The following PHC2 variants were observed in gnomAD, a reference collection of about 807,000 sequenced individuals.
The protein encoded by PHC2 is polyhomeotic-like protein 2.
In PHC2, 29 loss-of-function variants were observed where a neutral mutation model predicts 87.4. That is an observed-to-expected ratio of 0.33 (90% CI 0.25 to 0.45). The LOEUF is 0.45. Ranked by LOEUF, PHC2 falls within the 20% of genes least tolerant of loss-of-function variation. PHC2 has a pLI of 1.00. For synonymous variants in PHC2, 438 were observed against 461.7 expected (o/e 0.95, Z 0.66); for missense variants, 857 against 1,136.7 (o/e 0.75, Z 3.54).
intron 7 of PHC2, among the ~76,000 whole-genome samples, chr1:33,359,302 G>A (rs1453017804): frequency 1.3e-5 from 2 of 152,176 alleles, no homozygotes; most frequent in Admixed American, 1.3e-4. Flanking sequence ...CACTGTCCCA[G>A]AAATGCTGGG....
chr1:33,327,633 C>T (rs927259762), intron 14 of PHC2, among the ~76,000 whole-genome samples: 9 of 152,228 alleles, frequency 5.9e-5, no homozygotes, highest in African/African-American at 2.2e-4. Context: ...GAGGCTAGAT[C>T]ATAAAGGGCA....
chr1:33,349,833 G>A lies in PHC2; in HGVS notation c.1558+4568C>T, dbSNP rs1221135055. ...GCGAGGCCGGGGCGGGAGCGCGGGCGGCGGCCGGGGTTGCGCGCGCGCGCG... is the reference window on the plus strand; with the variant it reads ...GCGAGGCCGGGGCGGGAGCGCGGGCAGCGGCCGGGGTTGCGCGCGCGCGCG... On this transcript the variant is annotated intron_variant, in intron 9 of 14. Transcript: ENST00000683057. This position sits in a 1 kb window ranked among gnomAD's most constrained non-coding sequence, Gnocchi z 4.2. The A allele has an allele frequency of 8.2e-6, 8 of 976,590 alleles. No homozygotes were observed. Among genetic ancestry groups the A allele is most frequent in the Non-Finnish European group, 9.7e-6 (8 of 824,920 alleles). The allele number at this position is 976,590 out of a possible 1,614,324, so 60.5% of individuals were successfully genotyped here. A position where few individuals can be genotyped will look rare whatever the true frequency, so the allele number is the denominator to read the frequency against.
intron 7 of PHC2, among the ~76,000 whole-genome samples, chr1:33,357,967 C>T (rs573828923): frequency 3.9e-5 from 6 of 152,202 alleles, no homozygotes; most frequent in South Asian, 4.1e-4. Context: ...GGATCAATGG[C>T]ATGCCCCACT....
At chr1:33,424,243 G>C (rs1055015891) in intron 1 of PHC2, among the ~76,000 whole-genome samples, 1 of 151,982 alleles carries the variant, frequency 6.6e-6, no homozygotes, top group Non-Finnish European at 1.5e-5. Flanking sequence ...TAAAACGAAC[G>C]GGTGCCTTAT....
At position 33,332,194 on chromosome 1, in the gene PHC2, G is replaced by C; in HGVS notation, c.1891+81C>G. The C allele has an allele frequency of 6.5e-7, 1 of 1,529,350 alleles. No individual in the cohort carries two copies. Among genetic ancestry groups the C allele is most frequent in the Non-Finnish European group, 9.0e-7 (1 of 1,106,938 alleles). 94.7% of individuals were successfully genotyped at this position (1,529,350 alleles called of 1,614,324 possible). ...CTCGCTGGCTCAGGGTTCCTCTGGGGAAACAGAGAGAGGAAGTGTGTGAGG... is the reference window on the plus strand; with the variant it reads ...CTCGCTGGCTCAGGGTTCCTCTGGGCAAACAGAGAGAGGAAGTGTGTGAGG... On this transcript the variant is annotated intron_variant, in intron 11 of 14. Transcript: ENST00000683057. This position sits in a 1 kb window ranked among gnomAD's most constrained non-coding sequence, Gnocchi z 4.2.
At chr1:33,412,557 C>T (rs2148393486) in intron 1 of PHC2, among the ~76,000 whole-genome samples, 1 of 152,266 alleles carries the variant, frequency 6.6e-6, no homozygotes, top group Non-Finnish European at 1.5e-5. Context: ...TCACTGATTG[C>T]CCTAATAAAA....
At chr1:33,356,869 A>G (rs1050048667) in intron 7 of PHC2, among the ~76,000 whole-genome samples, 3 of 151,850 alleles carry the variant, frequency 2.0e-5, no homozygotes, top group Admixed American at 6.6e-5. Context: ...CAGGGCGGCC[A>G]GGCAGAGGCG....
At chr1:33,372,864 G>A (rs1168031124) in intron 2 of PHC2, among the ~76,000 whole-genome samples, 1 of 152,226 alleles carries the variant, frequency 6.6e-6, no homozygotes, top group Admixed American at 6.5e-5. Context: ...AGCTCAATAA[G>A]GCAGGGAAAA....
At chr1:33,390,952 A>G (rs1262146261) in intron 1 of PHC2, among the ~76,000 whole-genome samples, 5 of 152,174 alleles carry the variant, frequency 3.3e-5, no homozygotes. Flanking sequence ...GTGGATCTTT[A>G]AAGACAGGTT....
rs1190427446 is a variant in PHC2, at chr1:33,349,432, C to A, written c.1558+4969G>T. ...AGGCGAGCGAGGCTGGGGAGCAGGG[C>A]ACCTCCCAGGCGCCGCGCGGACGAG... On this transcript the variant is annotated intron_variant, in intron 9 of 14. Coordinates refer to ENST00000683057, the MANE Select transcript of PHC2 (RefSeq NM_001385109.1). The surrounding 1 kb of genome is among the most constrained non-coding windows in gnomAD (Gnocchi z 4.2). 2 of 985,166 alleles carry A rather than the reference C, an allele frequency of 2.0e-6. No individual in the cohort carries two copies. Among genetic ancestry groups the A allele is most frequent in the African/African-American group, 1.7e-5 (1 of 57,210 alleles). The allele number at this position is 985,166 out of a possible 1,614,324, so 61.0% of individuals were successfully genotyped here. A position where few individuals can be genotyped will look rare whatever the true frequency, so the allele number is the denominator to read the frequency against.
chr1:33,429,981 G>C (rs1650834298), intron 1 of PHC2, among the ~76,000 whole-genome samples: 1 of 152,230 alleles, frequency 6.6e-6, no homozygotes, highest in East Asian at 1.9e-4. Context: ...CCCAGGGCAA[G>C]CTTAGTATCA....
At chr1:33,371,162 TC>T in intron 3 of PHC2, 68 bp from the exon 4 acceptor site, 1 of 1,300,026 alleles carries the variant, frequency 7.7e-7, no homozygotes, top group Non-Finnish European at 1.1e-6. Flanking sequence ...GCTCTCATCA[TC>T]CACAGGAGGT....
intron 1 of PHC2, chr1:33,392,861 A>G (rs904783662): frequency 6.6e-6 from 1 of 152,220 alleles, no homozygotes; most frequent in African/African-American, 2.4e-5. Flanking sequence ...AGCAACAGCC[A>G]ATCAGGGGCT....
rs1213454412 is a variant in PHC2 at position 33,364,003 on chromosome 1, C to T, written c.976+3113G>A. 7 of 555,612 alleles carry T rather than the reference C, an allele frequency of 1.3e-5. No individual in the cohort carries two copies. The South Asian group carries it at 3.1e-4, about 25-fold the overall frequency. 34.4% of individuals were successfully genotyped at this position (555,612 alleles called of 1,614,324 possible). A position where few individuals can be genotyped will look rare whatever the true frequency, so the allele number is the denominator to read the frequency against. On this transcript the variant is annotated intron_variant, in intron 7 of 14. Coordinates refer to ENST00000683057, the MANE Select transcript of PHC2 (RefSeq NM_001385109.1). The surrounding 1 kb of genome is among the most constrained non-coding windows in gnomAD (Gnocchi z 4.1). The stretch of plus-strand genomic sequence containing the variant: ...TTCTCCGCCCCTTACTCCCCTCCCC[C>T]ACCTGCTCCCCCACCCCTATTCTCG...
intron 9 of PHC2, chr1:33,346,852 G>C: frequency 8.1e-6 from 8 of 985,368 alleles, no homozygotes; most frequent in Non-Finnish European, 9.6e-6. Context: ...TAGACAAAAA[G>C]ACACCTACGA....
At chr1:33,350,962 C>T (rs1229380934) in intron 9 of PHC2, among the ~76,000 whole-genome samples, 1 of 152,176 alleles carries the variant, frequency 6.6e-6, no homozygotes, top group African/African-American at 2.4e-5. Flanking sequence ...ACTTTCCTGC[C>T]TCCCTCTCTT....
Position 33,355,144 on chromosome 1 carries a change from C to T in PHC2, c.1086G>A (p.Pro362=), listed in dbSNP as rs200569240. The T allele has an allele frequency of 1.8e-5, 29 of 1,610,746 alleles. No individual in the cohort carries two copies. Among genetic ancestry groups the T allele is most frequent in the Admixed American group, 6.7e-5 (4 of 59,760 alleles). The change falls in exon 8 of 15, where the codon CCG becomes CCA. Residue 362 remains proline, a synonymous_variant. Transcript: ENST00000683057. ...QQPQPQQQQP[P]PQQSRPVLQA... is the part of the protein sequence containing the mutation. ...GGAGCACAGGCCGTGACTGCTGGGG[C>T]GGCGGCTGCTGCTGTTGTGGCTGTG... is the stretch of plus-strand genomic sequence containing the variant.
At chr1:33,338,573 A>T (rs1196355432) in intron 9 of PHC2, among the ~76,000 whole-genome samples, 1 of 152,240 alleles carries the variant, frequency 6.6e-6, no homozygotes, top group African/African-American at 2.4e-5. Flanking sequence ...GCACACTGAG[A>T]TTAATTTAAT....
chr1:33,417,207 CA>C (rs1272148275), intron 1 of PHC2, among the ~76,000 whole-genome samples: 7 of 148,812 alleles, frequency 4.7e-5, no homozygotes, highest in East Asian at 2.0e-4. Context: ...AAAATGAGGC[CA>C]AAAAAAAGAG....
Sources: gnomAD v4.1 joint callset for allele counts (sites outside exome capture counted in the v4.1 genomes callset) on GRCh38, gnomAD v4.1.1 for gene constraint, Gnocchi (gnomAD v3.1) non-coding constraint, MANE v1.5 for transcripts, NCBI Gene and HGNC (gene_info 2026-07-23, HGNC 2026-07-21) for gene names.